ARID1B: variants seen among roughly 807,000 people sequenced by gnomAD.
ARID1B encodes the protein AT-rich interaction domain 1B, also known as AT-rich interactive domain-containing protein 1B.
Under a neutral mutation model 212.3 loss-of-function variants are expected in ARID1B, and 30 were observed. The ratio of observed to expected loss-of-function variants is 0.14; its 90% CI spans 0.11 to 0.19. The LOEUF is 0.19. Ranked by LOEUF, ARID1B falls within the 10% of genes least tolerant of loss-of-function variation. ARID1B has a pLI of 1.00. For synonymous variants in ARID1B, 1,402 were observed against 1,301.7 expected (o/e 1.08, Z -1.66); for missense variants, 2,891 against 3,204.0 (o/e 0.90, Z 2.36).
At chr6:157,156,840 G>A (rs1323300921) in intron 8 of ARID1B, among the ~76,000 whole-genome samples, 4 of 152,128 alleles carry the variant, frequency 2.6e-5, no homozygotes, top group East Asian at 1.9e-4. Context: ...GGCATGCTCC[G>A]GACGCTTCCT....
intron 5 of ARID1B, among the ~76,000 whole-genome samples, chr6:157,098,545 G>A (rs1785818233): frequency 6.6e-6 from 1 of 152,214 alleles, no homozygotes; most frequent in Non-Finnish European, 1.5e-5. Flanking sequence ...AGGACATCAT[G>A]GACTTTCACA....
At chr6:157,113,783 G>T (rs1000257573) in intron 6 of ARID1B, among the ~76,000 whole-genome samples, 1 of 152,124 alleles carries the variant, frequency 6.6e-6, no homozygotes, top group Non-Finnish European at 1.5e-5. Context: ...ACCCTGAAAA[G>T]GAAAACTTTC....
intron 2 of ARID1B, among the ~76,000 whole-genome samples, chr6:156,892,850 C>G (rs1788046199): frequency 6.6e-6 from 1 of 152,066 alleles, no homozygotes; most frequent in African/African-American, 2.4e-5. Context: ...AAATACCAAA[C>G]TGTACTTCTT....
intron 5 of ARID1B, among the ~76,000 whole-genome samples, chr6:157,097,715 G>A (rs1448683421): frequency 4.6e-5 from 7 of 152,168 alleles, no homozygotes; most frequent in Admixed American, 1.3e-4. Flanking sequence ...ACAGAGCAGC[G>A]ATCAAGTGGA....
At chr6:156,956,778 T>A (rs565052431) in intron 4 of ARID1B, among the ~76,000 whole-genome samples, 1 of 152,288 alleles carries the variant, frequency 6.6e-6, no homozygotes, top group South Asian at 2.1e-4. Flanking sequence ...ATGAAAACAG[T>A]CCCTATCTGT....
At chr6:156,884,086 G>A (rs1375441281) in intron 2 of ARID1B, among the ~76,000 whole-genome samples, 1 of 152,180 alleles carries the variant, frequency 6.6e-6, no homozygotes, top group African/African-American at 2.4e-5. Context: ...AGAAAGTAAT[G>A]TATTAGACTG....
At chr6:157,054,251 CTG>C (rs1178284642) in intron 4 of ARID1B, among the ~76,000 whole-genome samples, 13 of 147,146 alleles carry the variant, frequency 8.8e-5, no homozygotes, top group East Asian at 8.0e-4. Flanking sequence ...TGGCCAGGAG[CTG>C]TGTGATTCTT....
At chr6:156,815,242 G>C (rs976459006) in intron 1 of ARID1B, among the ~76,000 whole-genome samples, 4 of 152,048 alleles carry the variant, frequency 2.6e-5, no homozygotes, top group Non-Finnish European at 5.9e-5. Context: ...ATCCAGACAT[G>C]TGTATATTTT....
At chr6:157,195,305 C>G (rs1793641483) in intron 15 of ARID1B, 1 of 152,210 alleles carries the variant, frequency 6.6e-6, no homozygotes, top group African/African-American at 2.4e-5. Context: ...AAGTCATTGG[C>G]AGAATTCACT....
At chr6:156,997,865 T>C (rs1778687846) in intron 4 of ARID1B, among the ~76,000 whole-genome samples, 1 of 152,186 alleles carries the variant, frequency 6.6e-6, no homozygotes, top group Non-Finnish European at 1.5e-5. Flanking sequence ...TTACACAAAA[T>C]AAACTATAAG....
intron 4 of ARID1B, chr6:156,977,193 A>G (rs1179702621): frequency 1.1e-5 from 2 of 187,986 alleles, no homozygotes; most frequent in Non-Finnish European, 2.1e-5. Flanking sequence ...GTTGTGTTTT[A>G]TTGACTTTCA....
rs762635457 is a variant in ARID1B at position 157,094,618 on chromosome 6, G to A, written c.2491+9713G>A. 5.0e-4 allele frequency among the ~76,000 whole-genome samples: 76 copies of A among 152,196 alleles called. No individual in the cohort carries two copies. Among genetic ancestry groups the A allele is most frequent in the Admixed American group, 2.7e-3 (41 of 15,278 alleles). On this transcript the variant is annotated intron_variant, in intron 5 of 19. Coordinates refer to ENST00000636930, the MANE Select transcript of ARID1B (RefSeq NM_001374828.1). This position sits in a 1 kb window ranked among gnomAD's most constrained non-coding sequence, Gnocchi z 4.3. ...AATCTGCCCATGTTGGCCTCCCAAA[G>A]TGCTAGGATTACAGGCGTGAGCCAC...
intron 5 of ARID1B, among the ~76,000 whole-genome samples, chr6:157,087,647 G>A (rs1176299783): frequency 3.3e-5 from 5 of 152,156 alleles, no homozygotes; most frequent in African/African-American, 7.2e-5. Flanking sequence ...AAGTCTTCTG[G>A]TTCTTAATCC....
chr6:156,885,285 G>A (rs1289785920), intron 2 of ARID1B, among the ~76,000 whole-genome samples: 1 of 152,142 alleles, frequency 6.6e-6, no homozygotes, highest in Non-Finnish European at 1.5e-5. Context: ...TAATTTCAGA[G>A]GTGCTTAGAA....
chr6:157,181,261 A>G (rs1792510302), intron 12 of ARID1B, 83 bp downstream of exon 12: 1 of 1,489,696 alleles, frequency 6.7e-7, no homozygotes, highest in Non-Finnish European at 9.2e-7. Context: ...GTGTGGACTC[A>G]TTTTTTTTCT....
chr6:157,146,875 T>C (rs1037029458), intron 7 of ARID1B, among the ~76,000 whole-genome samples: 1 of 152,216 alleles, frequency 6.6e-6, no homozygotes, highest in Admixed American at 6.5e-5. Flanking sequence ...AATTTCAACA[T>C]TCAGTTATCA....
chr6:157,188,338 G>A (rs1031364192), intron 13 of ARID1B, among the ~76,000 whole-genome samples: 2 of 152,144 alleles, frequency 1.3e-5, no homozygotes, highest in Non-Finnish European at 2.9e-5. Flanking sequence ...GTTGGCCAGC[G>A]TTCATTCCAA....
chr6:157,209,987 C>T lies in ARID1B; in HGVS notation c.*2096C>T, dbSNP rs988843123. 26 of 233,162 alleles carry T rather than the reference C, an allele frequency of 1.1e-4. No homozygotes were observed. Among genetic ancestry groups the T allele is most frequent in the Middle Eastern group, 1.3e-3 (1 of 786 alleles). 14.4% of individuals were successfully genotyped at this position (233,162 alleles called of 1,614,324 possible). A position where few individuals can be genotyped will look rare whatever the true frequency, so the allele number is the denominator to read the frequency against. On this transcript the variant is annotated 3_prime_UTR_variant, in exon 20 of 20. Coordinates refer to ENST00000636930, the MANE Select transcript of ARID1B (RefSeq NM_001374828.1). Reference sequence around the variant, plus strand: ...AGTATACTCAGAATCCCCAGCCCCTCGCATACATTGTGTCGGTTCACATTA... The same window carrying T: ...AGTATACTCAGAATCCCCAGCCCCTTGCATACATTGTGTCGGTTCACATTA...
At chr6:156,803,656 T>C (rs1301682510) in intron 1 of ARID1B, among the ~76,000 whole-genome samples, 1 of 151,992 alleles carries the variant, frequency 6.6e-6, no homozygotes, top group Admixed American at 6.6e-5. Context: ...TTAAATTCCT[T>C]TTTTGATCTA....
Sources: gnomAD v4.1 joint callset for allele counts (sites outside exome capture counted in the v4.1 genomes callset) on GRCh38, gnomAD v4.1.1 for gene constraint, Gnocchi (gnomAD v3.1) non-coding constraint, MANE v1.5 for transcripts, NCBI Gene and HGNC (gene_info 2026-07-23, HGNC 2026-07-21) for gene names.